TBC1D9: variants seen among roughly 807,000 people sequenced by gnomAD.
TBC1D9 encodes the protein TBC1 domain family member 9.
A neutral mutation model predicts 132.0 loss-of-function variants in TBC1D9; 63 were observed. That is an observed-to-expected ratio of 0.48 (90% CI 0.39 to 0.59). The LOEUF is 0.59. Among genes scored for constraint, TBC1D9 ranks in the 20% least tolerant of loss-of-function variants. TBC1D9 has a pLI of 0.00. For synonymous variants in TBC1D9, 610 were observed against 609.9 expected, an observed-to-expected ratio of 1.00 and a Z score of 0.00; for missense variants, 1,261 against 1,592.7, an observed-to-expected ratio of 0.79 and a Z score of 3.54.
intron 2 of TBC1D9, among the ~76,000 whole-genome samples, chr4:140,689,292 A>G (rs1737836561): frequency 6.6e-6 from 1 of 152,058 alleles, no homozygotes; most frequent in Admixed American, 6.6e-5. Context: ...AATCCCATGG[A>G]ATCCAACACT....
At chr4:140,736,801 T>G (rs984813751) in intron 1 of TBC1D9, among the ~76,000 whole-genome samples, 3 of 152,146 alleles carry the variant, frequency 2.0e-5, no homozygotes, top group Non-Finnish European at 4.4e-5. Context: ...AGAGCTGAAT[T>G]GTAGAGTGCA....
chr4:140,716,334 TTTAAAAATCA>T (rs1224850413), intron 1 of TBC1D9, among the ~76,000 whole-genome samples: 16 of 152,040 alleles, frequency 1.1e-4, no homozygotes, highest in African/African-American at 3.9e-4. Context: ...CAAAAAGTTT[TTTAAAAATCA>T]GCTGGGTGTA....
chr4:140,639,490 G>T, intron 13 of TBC1D9, 62 bp from the exon 14 acceptor site: 1 of 1,170,300 alleles, frequency 8.5e-7, no homozygotes, highest in Non-Finnish European at 1.3e-6. Flanking sequence ...TGTCCTGTCT[G>T]CAGAATGCCT....
At chr4:140,720,622 C>G (rs1364638104) in intron 1 of TBC1D9, among the ~76,000 whole-genome samples, 2 of 152,174 alleles carry the variant, frequency 1.3e-5, no homozygotes, top group African/African-American at 2.4e-5. Context: ...GGCTGTGGCC[C>G]GTCAGGGCCA....
intron 1 of TBC1D9, among the ~76,000 whole-genome samples, chr4:140,702,439 G>C (rs565140104): frequency 6.6e-6 from 1 of 152,370 alleles, no homozygotes; most frequent in Non-Finnish European, 1.5e-5. Flanking sequence ...GAAATTAAGA[G>C]CAGAAGGCAG....
chr4:140,737,685 G>T (rs1230911444), intron 1 of TBC1D9, among the ~76,000 whole-genome samples: 1 of 152,154 alleles, frequency 6.6e-6, no homozygotes, highest in Non-Finnish European at 1.5e-5. Flanking sequence ...TGGTTGAAAG[G>T]CTAAGAGAAT....
At chr4:140,642,197 G>A in intron 13 of TBC1D9, 2 of 749,840 alleles carry the variant, frequency 2.7e-6, no homozygotes, top group Admixed American at 3.9e-5. Context: ...TAGCCGGAGG[G>A]GCCTTGGGCG....
chr4:140,715,689 T>G (rs1160662369), intron 1 of TBC1D9: 1 of 152,234 alleles, frequency 6.6e-6, no homozygotes, highest in African/African-American at 2.4e-5. Context: ...ATCATGCTAT[T>G]TGCAAGGGAG....
At chr4:140,644,387 G>A (rs1560871449) in intron 13 of TBC1D9, 3 of 282,342 alleles carry the variant, frequency 1.1e-5, no homozygotes, top group Non-Finnish European at 2.1e-5. Flanking sequence ...CCTTGGACAC[G>A]TCCTCCAGCG....
At chr4:140,638,456 G>A (rs1463520164) in intron 15 of TBC1D9, among the ~76,000 whole-genome samples, 1 of 150,028 alleles carries the variant, frequency 6.7e-6, no homozygotes, top group Non-Finnish European at 1.5e-5. Context: ...GAGGTCAGGA[G>A]TTCAAGACCA....
chr4:140,750,107 T>TTAAAA (rs572262178), intron 1 of TBC1D9, among the ~76,000 whole-genome samples: 124 of 150,828 alleles, frequency 8.2e-4, no homozygotes, highest in East Asian at 5.3e-3. Flanking sequence ...TAAGAACTCC[T>TTAAAA]TAAAATAAAA....
At chr4:140,737,256 C>G in intron 1 of TBC1D9, among the ~76,000 whole-genome samples, 1 of 152,138 alleles carries the variant, frequency 6.6e-6, no homozygotes, top group East Asian at 1.9e-4. Context: ...TACAGAGAAT[C>G]CTAGTGAGGG....
intron 9 of TBC1D9, among the ~76,000 whole-genome samples, chr4:140,668,560 A>C (rs774677012): frequency 6.6e-5 from 10 of 152,128 alleles, no homozygotes; most frequent in Non-Finnish European, 1.3e-4. Flanking sequence ...AAACATTCTC[A>C]ATGAAGTTGA....
At chr4:140,707,770 C>T (rs950807985) in intron 1 of TBC1D9, among the ~76,000 whole-genome samples, 1 of 152,110 alleles carries the variant, frequency 6.6e-6, no homozygotes, top group Non-Finnish European at 1.5e-5. Flanking sequence ...AAGTGTTTCT[C>T]ATCCTGGCAA....
intron 13 of TBC1D9, among the ~76,000 whole-genome samples, chr4:140,651,294 C>G: frequency 6.6e-6 from 1 of 152,170 alleles, no homozygotes; most frequent in East Asian, 1.9e-4. Context: ...GAAACCCCGT[C>G]TCCACAAAAA....
chr4:140,633,876 G>A, intron 16 of TBC1D9, 72 bp downstream of exon 16: 3 of 1,566,500 alleles, frequency 1.9e-6, no homozygotes, highest in Non-Finnish European at 2.6e-6. Context: ...GTAGCCCTGA[G>A]GGCAGCATGG....
chr4:140,660,811 G>T (rs539446182), intron 10 of TBC1D9, among the ~76,000 whole-genome samples: 1 of 152,306 alleles, frequency 6.6e-6, no homozygotes, highest in South Asian at 2.1e-4. Context: ...GGAGACTAAC[G>T]TGTGCATGTA....
intron 1 of TBC1D9, among the ~76,000 whole-genome samples, chr4:140,741,768 C>T (rs754410318): frequency 4.3e-4 from 65 of 152,168 alleles, no homozygotes; most frequent in Non-Finnish European, 1.2e-4. Context: ...TCGCTAAAGC[C>T]TGCTATCTGG....
At position 140,705,375 on chromosome 4, in the gene TBC1D9, T is replaced by A. The variant is rs566991188; in HGVS notation, c.131-3761A>T. On this transcript the variant is annotated intron_variant, in intron 1 of 20. Transcript: ENST00000442267. ...GCACATTTTGCCTTGTCCCATTTTT[T>A]CCTCTTCTCTCCAGACTGAGAGTTC... is the stretch of plus-strand genomic sequence containing the variant. Among the ~76,000 whole-genome samples, 146 of 152,290 alleles carry A rather than the reference T, an allele frequency of 9.6e-4. 2 individuals are homozygous for A. Among genetic ancestry groups the A allele is most frequent in the Middle Eastern group, 3.4e-3 (1 of 294 alleles).
Sources: gnomAD v4.1 joint callset for allele counts (sites outside exome capture counted in the v4.1 genomes callset) on GRCh38, gnomAD v4.1.1 for gene constraint, MANE v1.5 for transcripts, NCBI Gene and HGNC (gene_info 2026-07-23, HGNC 2026-07-21) for gene names.